The following ITGB8 variants were observed in gnomAD, a reference collection of about 807,000 sequenced individuals.
The protein encoded by ITGB8 is integrin subunit beta 8.
A neutral mutation model predicts 89.5 loss-of-function variants in ITGB8; 30 were observed. That is an observed-to-expected ratio of 0.34 (90% CI 0.25 to 0.45). The LOEUF (loss-of-function observed/expected upper bound fraction) is 0.45, where lower values mean the gene tolerates loss of function less well. Ranked by LOEUF, ITGB8 falls within the 20% of genes least tolerant of loss-of-function variation. ITGB8 has a pLI of 1.00. For synonymous variants in ITGB8, 335 were observed against 320.4 expected (o/e 1.05, Z -0.49); for missense variants, 836 against 933.3 (o/e 0.90, Z 1.36).
chr7:20,405,436 G>A (rs1029703172), intron 11 of ITGB8, among the ~76,000 whole-genome samples: 17 of 149,726 alleles, frequency 1.1e-4, no homozygotes, highest in Admixed American at 1.1e-3. Context: ...TCAGCCTCCC[G>A]AGTAGCTGGG....
At chr7:20,357,502 A>G (rs140026234) in intron 1 of ITGB8, among the ~76,000 whole-genome samples, 20 of 152,290 alleles carry the variant, frequency 1.3e-4, no homozygotes, top group African/African-American at 4.6e-4. Context: ...GTCTATATAT[A>G]TGTGTGTGTA....
intron 3 of ITGB8, among the ~76,000 whole-genome samples, chr7:20,378,373 T>TAC (rs901461226): frequency 1.3e-5 from 2 of 152,176 alleles, no homozygotes; most frequent in African/African-American, 4.8e-5. Flanking sequence ...TGCTGACCCC[T>TAC]ACCTTCCCCA....
At chr7:20,406,421 G>T (rs1787545447) in intron 12 of ITGB8, among the ~76,000 whole-genome samples, 1 of 151,946 alleles carries the variant, frequency 6.6e-6, no homozygotes, top group Admixed American at 6.5e-5. Flanking sequence ...GCAGTGGCGG[G>T]CACCTGTAGT....
chr7:20,363,190 T>C (rs964323527), intron 1 of ITGB8, among the ~76,000 whole-genome samples: 10 of 152,332 alleles, frequency 6.6e-5, no homozygotes, highest in Middle Eastern at 3.4e-3. Flanking sequence ...TGTGATTTAA[T>C]GTGAATTTAT....
intron 1 of ITGB8, among the ~76,000 whole-genome samples, chr7:20,351,524 A>G (rs1785112187): frequency 6.6e-6 from 1 of 152,246 alleles, no homozygotes; most frequent in South Asian, 2.1e-4. Context: ...CATGTAATAG[A>G]TACTTGATTT....
At chr7:20,336,193 G>A (rs1320015480) in intron 1 of ITGB8, among the ~76,000 whole-genome samples, 1 of 151,888 alleles carries the variant, frequency 6.6e-6, no homozygotes, top group Non-Finnish European at 1.5e-5. Context: ...TTTTAGTAGA[G>A]AGGGCGTTTC....
rs753579853 is a variant in ITGB8 at position 20,371,682 on chromosome 7, ACAAT to A, written c.388+4502_388+4505del. On this transcript the variant is annotated intron_variant, in intron 3 of 13. Transcript: ENST00000222573. ...GTCCAAGTGAATCAATAAATGTAAG[ACAAT>A]CAATCCCAGTCAAATTTGAATGCAG... is the stretch of plus-strand genomic sequence containing the variant. 9.2e-5 allele frequency among the ~76,000 whole-genome samples: 14 copies of A among 152,338 alleles called. No homozygotes were observed. The East Asian group carries it at 2.7e-3, about 29-fold the overall frequency.
chr7:20,368,208 G>C (rs1323602521), intron 3 of ITGB8, among the ~76,000 whole-genome samples: 3 of 152,226 alleles, frequency 2.0e-5, no homozygotes, highest in East Asian at 3.9e-4. Context: ...AGCCCAGTAT[G>C]GACATTGTGA....
chr7:20,345,943 T>C (rs1554301573), intron 1 of ITGB8, among the ~76,000 whole-genome samples: 1 of 152,128 alleles, frequency 6.6e-6, no homozygotes, highest in Non-Finnish European at 1.5e-5. Context: ...AGGAGTATTG[T>C]TGGAGAAAAT....
intron 10 of ITGB8, among the ~76,000 whole-genome samples, chr7:20,404,380 AG>A (rs1397724892): frequency 6.6e-6 from 1 of 152,234 alleles, no homozygotes; most frequent in Non-Finnish European, 1.5e-5. Flanking sequence ...CCACTGAAGC[AG>A]GGGTGCCCTT....
intron 1 of ITGB8, among the ~76,000 whole-genome samples, chr7:20,356,900 T>C (rs1785313456): frequency 6.6e-6 from 1 of 152,030 alleles, no homozygotes; most frequent in Admixed American, 6.6e-5. Context: ...AGTTTGCTGG[T>C]CCATTTTTTC....
At chr7:20,399,281 G>T (rs186973106) in intron 9 of ITGB8, among the ~76,000 whole-genome samples, 1 of 151,966 alleles carries the variant, frequency 6.6e-6, no homozygotes, top group Admixed American at 6.6e-5. Flanking sequence ...CGTCATGACC[G>T]GTATAAATTA....
chr7:20,369,406 C>T (rs567462158), intron 3 of ITGB8, among the ~76,000 whole-genome samples: 1 of 152,234 alleles, frequency 6.6e-6, no homozygotes, highest in African/African-American at 2.4e-5. Context: ...TGGCTTGCTA[C>T]GTCCACACAG....
chr7:20,337,060 G>A (rs1583462862), intron 1 of ITGB8, among the ~76,000 whole-genome samples: 1 of 152,144 alleles, frequency 6.6e-6, no homozygotes, highest in Non-Finnish European at 1.5e-5. Context: ...CAAATCATTA[G>A]CAAAGATTAA....
intron 2 of ITGB8, 131 bp from the exon 3 acceptor site, chr7:20,366,881 A>G (rs1785719044): frequency 1.7e-6 from 1 of 603,726 alleles, no homozygotes; most frequent in Admixed American, 3.7e-5. Flanking sequence ...TTGTAGAAAT[A>G]GTAAAAACAT....
chr7:20,393,993 C>A (rs867404618), intron 7 of ITGB8, among the ~76,000 whole-genome samples: 28 of 152,182 alleles, frequency 1.8e-4, no homozygotes, highest in Middle Eastern at 3.4e-3. Flanking sequence ...AGGGTGGAAA[C>A]TATGTGACCT....
rs1310191973 is a variant in ITGB8 at position 20,331,282 on chromosome 7, TTGATGCGCCA to T, written c.-524_-515del. ...CCACCTGTGGAAGCAACTGCGCTGA[TTGATGCGCCA>T]CAGACTTTTTTCCCCTCGACCTCGC... On this transcript the variant is annotated 5_prime_UTR_variant, in exon 1 of 14. The change abolishes an upstream ATG in the 5' untranslated region. Transcript: ENST00000222573. 8.9e-6 allele frequency: 3 copies of T among 337,850 alleles called. No individual in the cohort carries two copies. The East Asian group carries it at 1.4e-4, about 15-fold the overall frequency. The allele number at this position is 337,850 out of a possible 1,614,324, so 20.9% of individuals were successfully genotyped here. A position where few individuals can be genotyped will look rare whatever the true frequency, so the allele number is the denominator to read the frequency against.
At chr7:20,342,101 C>A (rs1218836995) in intron 1 of ITGB8, among the ~76,000 whole-genome samples, 1 of 152,116 alleles carries the variant, frequency 6.6e-6, no homozygotes, top group Non-Finnish European at 1.5e-5. Flanking sequence ...AGCCCACATG[C>A]AGAACCAGAG....
rs1787736252 is a variant in ITGB8, at chr7:20,410,839, T to C, written c.*842T>C. The C allele has an allele frequency of 6.6e-6, 1 of 152,656 alleles. No homozygotes were observed. Among genetic ancestry groups the C allele is most frequent in the Non-Finnish European group, 1.5e-5 (1 of 68,034 alleles). The allele number at this position is 152,656 out of a possible 1,614,324, so 9.5% of individuals were successfully genotyped here. On this transcript the variant is annotated 3_prime_UTR_variant, in exon 14 of 14. Coordinates refer to ENST00000222573, the MANE Select transcript of ITGB8 (RefSeq NM_002214.3). ...TATCATCAAAACCTGAATAGCTTCA[T>C]TGTGCACAAGTGTGGAGTTTTGTAT...
Sources: allele counts gnomAD v4.1 joint callset (sites outside exome capture counted in the v4.1 genomes callset), GRCh38; gene constraint gnomAD v4.1.1; transcripts MANE v1.5; gene names NCBI Gene and HGNC (gene_info 2026-07-23, HGNC 2026-07-21).